Variants in TSPAN13 observed in about 807,000 individuals in gnomAD.
TSPAN13 encodes tetraspanin-13.
A neutral mutation model predicts 26.9 loss-of-function variants in TSPAN13; 18 were observed. The ratio of observed to expected loss-of-function variants is 0.67; its 90% confidence interval spans 0.46 to 0.99. The LOEUF (loss-of-function observed/expected upper bound fraction) is 0.99. Among genes scored for constraint, TSPAN13 ranks in the 50% least tolerant of loss-of-function variants. TSPAN13 has a pLI of 0.00. For synonymous variants in TSPAN13, 116 were observed against 98.4 expected (o/e 1.18, Z -1.06); for missense variants, 201 against 249.6 (o/e 0.81, Z 1.31).
At position 16,783,476 on chromosome 7, in the gene TSPAN13, T is replaced by C. The variant is rs758508264; in HGVS notation, c.600T>C (p.Pro200=). Residue 200 remains proline, a synonymous_variant, in exon 6 of 6, where the codon CCT becomes CCC. Transcript: ENST00000262067. ...ACCAGAAAGACCCCCGCGCGAATCC[T>C]AGTGCATTCCTTTGATGAGAAAACA... ...YRNQKDPRAN[P]SAFL is the part of the protein sequence containing the mutation. The C allele has an allele frequency of 1.2e-6, 2 of 1,613,756 alleles. No homozygotes were observed. The highest frequency in any genetic ancestry group is 1.7e-6 in the Non-Finnish European group (2 of 1,179,648).
chr7:16,776,066 T>A (rs1784739445), intron 1 of TSPAN13, 145 bp from the exon 2 acceptor site: 2 of 643,252 alleles, frequency 3.1e-6, no homozygotes, highest in Non-Finnish European at 5.1e-6. Context: ...ATCTTGTGTG[T>A]ATTCTTGTAT....
chr7:16,754,726 A>C (rs1035205877), intron 1 of TSPAN13, among the ~76,000 whole-genome samples: 1 of 152,110 alleles, frequency 6.6e-6, no homozygotes. Context: ...GCCCCCACCC[A>C]AGTCGTTTCT....
intron 1 of TSPAN13, among the ~76,000 whole-genome samples, chr7:16,772,470 A>G (rs913816101): frequency 6.6e-6 from 1 of 152,118 alleles, no homozygotes; most frequent in Non-Finnish European, 1.5e-5. Flanking sequence ...CTGGGGGAGA[A>G]TCTGTTCTTG....
At chr7:16,774,863 AT>A (rs1275479952) in intron 1 of TSPAN13, among the ~76,000 whole-genome samples, 4 of 152,210 alleles carry the variant, frequency 2.6e-5, no homozygotes, top group African/African-American at 7.2e-5. Flanking sequence ...ATACAAAAAA[AT>A]ATTTTCTATG....
At chr7:16,777,193 A>C in intron 3 of TSPAN13, 71 bp downstream of exon 3, 4 of 1,124,572 alleles carry the variant, frequency 3.6e-6, no homozygotes, top group Non-Finnish European at 5.3e-6. Context: ...GAGGGTAATG[A>C]TTAGAATATA....
chr7:16,762,896 G>A (rs879641215), intron 1 of TSPAN13, among the ~76,000 whole-genome samples: 12 of 151,968 alleles, frequency 7.9e-5, no homozygotes, highest in Non-Finnish European at 1.0e-4. Context: ...AAATATTATC[G>A]ACACAGTAAG....
intron 1 of TSPAN13, among the ~76,000 whole-genome samples, chr7:16,765,303 A>G (rs1198879552): frequency 6.6e-6 from 1 of 151,740 alleles, no homozygotes; most frequent in African/African-American, 2.4e-5. Flanking sequence ...AGGTCTCCCC[A>G]TGTTGCCCAG....
chr7:16,753,979 G>C lies in TSPAN13; in HGVS notation c.12G>C (p.Gly4=), dbSNP rs966163585. 8 of 1,613,250 alleles carry C rather than the reference G, an allele frequency of 5.0e-6. No homozygotes were observed. Among genetic ancestry groups the C allele is most frequent in the Non-Finnish European group, 6.8e-6 (8 of 1,179,682 alleles). ...CCACAGGTTCCAAGATGGTTTGCGG[G>C]GGCTTCGCGTGTTCCAAGAACTGCC... MVC[G]GFACSKNCLC... is the part of the protein sequence containing the mutation. Residue 4 remains glycine (G), a synonymous_variant, in exon 1 of 6, where the codon GGG becomes GGC. Coordinates refer to ENST00000262067, the MANE Select transcript of TSPAN13 (RefSeq NM_014399.4).
At chr7:16,758,141 C>CA (rs1446443607) in intron 1 of TSPAN13, among the ~76,000 whole-genome samples, 1 of 152,076 alleles carries the variant, frequency 6.6e-6, no homozygotes, top group Non-Finnish European at 1.5e-5. Flanking sequence ...CTATAAAATG[C>CA]TCCCGGCCTG....
intron 1 of TSPAN13, among the ~76,000 whole-genome samples, chr7:16,773,152 T>C (rs114186717): frequency 0.013 from 1,888 of 149,520 alleles, 36 homozygotes; most frequent in African/African-American, 0.045. Context: ...TTACTCGCCT[T>C]ATAAAAAATC....
At chr7:16,764,962 T>C (rs529412785) in intron 1 of TSPAN13, among the ~76,000 whole-genome samples, 10 of 151,936 alleles carry the variant, frequency 6.6e-5, no homozygotes, top group African/African-American at 2.2e-4. Context: ...GGTCTTGCTA[T>C]GTTGCTCAGG....
At chr7:16,764,419 G>A (rs556481487) in intron 1 of TSPAN13, among the ~76,000 whole-genome samples, 1 of 152,250 alleles carries the variant, frequency 6.6e-6, no homozygotes, top group East Asian at 1.9e-4. Flanking sequence ...GTTTGCTAGA[G>A]TGATCTCAAA....
chr7:16,768,663 G>A (rs1784637602), intron 1 of TSPAN13, among the ~76,000 whole-genome samples: 1 of 152,104 alleles, frequency 6.6e-6, no homozygotes, highest in African/African-American at 2.4e-5. Flanking sequence ...TTTAAGTTGT[G>A]CTTAAAGTAG....
intron 2 of TSPAN13, 38 bp from the exon 3 acceptor site, chr7:16,777,004 A>G (rs763799742): frequency 6.9e-7 from 1 of 1,441,286 alleles, no homozygotes; most frequent in Non-Finnish European, 9.7e-7. Flanking sequence ...ATGCCATTCT[A>G]AGAATATTTA....
chr7:16,769,929 G>A (rs569109768), intron 1 of TSPAN13, among the ~76,000 whole-genome samples: 5 of 151,950 alleles, frequency 3.3e-5, no homozygotes, highest in African/African-American at 1.2e-4. Context: ...TTTTGCTTTG[G>A]CTTTTTGATC....
At chr7:16,764,716 C>T (rs530696781) in intron 1 of TSPAN13, among the ~76,000 whole-genome samples, 55 of 152,118 alleles carry the variant, frequency 3.6e-4, no homozygotes, top group African/African-American at 1.3e-3. Context: ...AAAGCAAGAA[C>T]TACAATTTCT....
chr7:16,775,482 C>T (rs774739511), intron 1 of TSPAN13, among the ~76,000 whole-genome samples: 8 of 152,160 alleles, frequency 5.3e-5, no homozygotes, highest in Non-Finnish European at 1.2e-4. Flanking sequence ...TTTTAATGAT[C>T]TCTCTATATA....
At chr7:16,781,735 C>T (rs541496426) in intron 5 of TSPAN13, among the ~76,000 whole-genome samples, 1 of 152,298 alleles carries the variant, frequency 6.6e-6, no homozygotes, top group East Asian at 1.9e-4. Context: ...AAAATGTTAA[C>T]ATCCTCAAAA....
At chr7:16,777,165 C>T (rs572757198) in intron 3 of TSPAN13, 43 bp downstream of exon 3, 2 of 1,376,566 alleles carry the variant, frequency 1.5e-6, no homozygotes, top group Non-Finnish European at 2.1e-6. Flanking sequence ...TACCACATAG[C>T]ATGAGTATGA....
Sources: gnomAD v4.1 joint callset for allele counts (sites outside exome capture counted in the v4.1 genomes callset) on GRCh38, gnomAD v4.1.1 for gene constraint, MANE v1.5 for transcripts, NCBI Gene and HGNC (gene_info 2026-07-23, HGNC 2026-07-21) for gene names.